Variants in SIRPB2 observed in about 807,000 individuals in gnomAD.
The protein encoded by SIRPB2 is signal regulatory protein beta 2, also known as signal-regulatory protein beta-2.
In SIRPB2, 18 loss-of-function variants were observed where a neutral mutation model predicts 27.1. That is an observed-to-expected ratio of 0.66 (90% CI 0.46 to 0.98). The LOEUF (loss-of-function observed/expected upper bound fraction) is 0.98. Among genes scored for constraint, SIRPB2 ranks in the 50% least tolerant of loss-of-function variants. The pLI, the probability that SIRPB2 is intolerant of heterozygous loss-of-function variation, is 0.00. For synonymous variants in SIRPB2, 150 were observed against 164.6 expected (o/e 0.91, Z 0.68); for missense variants, 420 against 417.4 (o/e 1.01, Z -0.06).
intron 1 of SIRPB2, among the ~76,000 whole-genome samples, chr20:1,482,518 C>CCTTCCTTT (rs1382512096): frequency 8.6e-5 from 13 of 151,686 alleles, no homozygotes; most frequent in Non-Finnish European, 1.8e-4. Context: ...TTCCCTCCTT[C>CCTTCCTTT]CTTCCTTTCT....
intron 1 of SIRPB2, among the ~76,000 whole-genome samples, chr20:1,491,022 T>G (rs1345742166): frequency 6.6e-6 from 1 of 152,138 alleles, no homozygotes; most frequent in Non-Finnish European, 1.5e-5. Context: ...CTGCAGCATC[T>G]GACGTGGGCA....
chr20:1,479,674 T>TCG (rs1235837256), intron 2 of SIRPB2, 26 bp downstream of exon 2: 2 of 1,607,778 alleles, frequency 1.2e-6, no homozygotes, highest in Non-Finnish European at 8.5e-7. Flanking sequence ...GGAGCAAATG[T>TCG]GTGGTCTGCA....
At chr20:1,488,932 C>T (rs1024847116) in intron 1 of SIRPB2, among the ~76,000 whole-genome samples, 4 of 152,126 alleles carry the variant, frequency 2.6e-5, no homozygotes, top group Non-Finnish European at 5.9e-5. Context: ...TTCATAGATG[C>T]TTTATTTATA....
intron 3 of SIRPB2, 80 bp from the exon 4 acceptor site, chr20:1,477,483 C>T (rs901074138): frequency 1.3e-6 from 2 of 1,538,080 alleles, no homozygotes; most frequent in African/African-American, 1.4e-5. Flanking sequence ...GCTGGGATCT[C>T]TGGGATGAGT....
intron 1 of SIRPB2, among the ~76,000 whole-genome samples, chr20:1,487,770 G>A (rs918487814): frequency 6.6e-6 from 1 of 152,190 alleles, no homozygotes; most frequent in Non-Finnish European, 1.5e-5. Context: ...GTAGCTAGGA[G>A]TACAGGTGCA....
chr20:1,477,027 C>T, intron 4 of SIRPB2: 1 of 1,313,902 alleles, frequency 7.6e-7, no homozygotes, highest in South Asian at 1.5e-5. Flanking sequence ...AAGCCATGTT[C>T]TCCAGTGTCG....
downstream of SIRPB2, among the ~76,000 whole-genome samples, chr20:1,471,848 C>G (rs944787525): frequency 6.6e-6 from 1 of 152,098 alleles, no homozygotes; most frequent in South Asian, 2.1e-4. Context: ...TCCTCGAGCC[C>G]GAGGAGAGTG....
chr20:1,478,701 C>T, intron 2 of SIRPB2, 94 bp from the exon 3 acceptor site: 1 of 1,058,892 alleles, frequency 9.4e-7, no homozygotes, highest in Non-Finnish European at 1.3e-6. Context: ...TCCTTCTTTC[C>T]AGATTTCTTC....
rs1462763467 is a variant in SIRPB2, at chr20:1,474,689, C to G, written c.*1478G>C. The G allele has an allele frequency of 6.6e-6, 1 of 152,242 alleles. No homozygotes were observed. The highest frequency in any genetic ancestry group is 1.5e-5 in the Non-Finnish European group (1 of 68,122). The allele number at this position is 152,242 out of a possible 1,614,324, so 9.4% of individuals were successfully genotyped here. On this transcript the variant is annotated 3_prime_UTR_variant, in exon 5 of 5. Coordinates refer to ENST00000359801, the MANE Select transcript of SIRPB2 (RefSeq NM_001122962.2). ...CCCAGTTCAAGCGGTTCTCCTGCCC[C>G]ATCCTCCCAAGTAGCTGGGATTACA...
At chr20:1,476,992 G>A (rs2090611829) in intron 4 of SIRPB2, 1 of 1,243,128 alleles carries the variant, frequency 8.0e-7, no homozygotes, top group Non-Finnish European at 1.0e-6. Flanking sequence ...CTAGGAAGGG[G>A]CTCCATCCAG....
intron 4 of SIRPB2, chr20:1,476,958 A>G: frequency 8.3e-7 from 1 of 1,201,954 alleles, no homozygotes; most frequent in Non-Finnish European, 1.0e-6. Flanking sequence ...ACCAGACTCA[A>G]GGGGCGAGAA....
At chr20:1,488,055 C>CA (rs2090743672) in intron 1 of SIRPB2, among the ~76,000 whole-genome samples, 1 of 152,062 alleles carries the variant, frequency 6.6e-6, no homozygotes, top group East Asian at 1.9e-4. Context: ...GATGTAACAC[C>CA]AAAATCATGA....
chr20:1,480,485 A>T, intron 1 of SIRPB2: 1 of 180,450 alleles, frequency 5.5e-6, no homozygotes, highest in South Asian at 1.2e-4. Context: ...GTTCCTCAGA[A>T]TGTGATGTAT....
chr20:1,478,171 A>G (rs912048121), intron 3 of SIRPB2, 95 bp downstream of exon 3: 8 of 1,121,334 alleles, frequency 7.1e-6, no homozygotes, highest in Non-Finnish European at 1.1e-5. Flanking sequence ...AAAGACATGG[A>G]GGCTGTGAAG....
At chr20:1,474,088 C>T (rs1001949618), downstream of SIRPB2, among the ~76,000 whole-genome samples, 21 of 152,142 alleles carry the variant, frequency 1.4e-4, no homozygotes, top group Admixed American at 2.6e-4. Flanking sequence ...TCTTCTACAT[C>T]GAAGATCCAT....
chr20:1,477,455 A>G (rs370467818), intron 3 of SIRPB2, 52 bp from the exon 4 acceptor site: 1 of 1,565,526 alleles, frequency 6.4e-7, no homozygotes, highest in African/African-American at 1.4e-5. Flanking sequence ...ATCTCCCACC[A>G]CTTCCTAAGT....
chr20:1,473,498 C>A (rs1174776637), downstream of SIRPB2, among the ~76,000 whole-genome samples: 4 of 152,264 alleles, frequency 2.6e-5, no homozygotes, highest in South Asian at 2.1e-4. Context: ...ACACACACAC[C>A]ACACACATGT....
chr20:1,473,881 A>G (rs975420726), downstream of SIRPB2: 1 of 456,232 alleles, frequency 2.2e-6, no homozygotes. Context: ...CTGATAATTT[A>G]AAACAACAGA....
At chr20:1,474,477 A>G (rs1481423055), downstream of SIRPB2, 1 of 152,358 alleles carries the variant, frequency 6.6e-6, no homozygotes, top group Non-Finnish European at 1.5e-5. Flanking sequence ...GTGCTAATAA[A>G]TGTTTGCCTG....
Sources: allele counts gnomAD v4.1 joint callset (sites outside exome capture counted in the v4.1 genomes callset), GRCh38; gene constraint gnomAD v4.1.1; transcripts MANE v1.5; gene names NCBI Gene and HGNC (gene_info 2026-07-23, HGNC 2026-07-21).